MAPK14: variants seen among roughly 807,000 people sequenced by gnomAD.
MAPK14 encodes mitogen-activated protein kinase 14, also known as CSAID-binding protein.
A neutral mutation model predicts 49.6 loss-of-function variants in MAPK14; 16 were observed. The ratio of observed to expected loss-of-function variants is 0.32; its 90% CI spans 0.22 to 0.49. The LOEUF (loss-of-function observed/expected upper bound fraction) is 0.49. Among genes scored for constraint, MAPK14 ranks in the 20% least tolerant of loss-of-function variants. The pLI is 0.99. For missense variants in MAPK14, 200 were observed against 441.2 expected (o/e 0.45, Z 4.90); for synonymous variants, 142 against 158.0 (o/e 0.90, Z 0.76).
At chr6:36,102,734 G>C in intron 10 of MAPK14, 85 bp downstream of exon 10, 1 of 1,592,778 alleles carries the variant, frequency 6.3e-7, no homozygotes, top group Non-Finnish European at 8.5e-7. Context: ...TTCTCCTTTT[G>C]ACCAAATAAA....
chr6:36,071,201 C>T (rs1023279710), intron 3 of MAPK14, among the ~76,000 whole-genome samples: 1 of 151,822 alleles, frequency 6.6e-6, no homozygotes, highest in Non-Finnish European at 1.5e-5. Flanking sequence ...GGCATGGTGG[C>T]GAGTACCTGT....
intron 9 of MAPK14, among the ~76,000 whole-genome samples, chr6:36,098,260 G>A (rs1399048129): frequency 6.6e-6 from 1 of 152,174 alleles, no homozygotes; most frequent in Non-Finnish European, 1.5e-5. Context: ...GAACCTATTA[G>A]AATGAGCCAT....
At chr6:36,084,957 C>G (rs191833040) in intron 8 of MAPK14, among the ~76,000 whole-genome samples, 130 of 152,276 alleles carry the variant, frequency 8.5e-4, no homozygotes, top group Middle Eastern at 3.4e-3. Flanking sequence ...AAGGGAAGCC[C>G]ATCAGGCTAA....
chr6:36,031,950 A>G (rs1762560252), intron 1 of MAPK14, among the ~76,000 whole-genome samples: 1 of 151,726 alleles, frequency 6.6e-6, no homozygotes, highest in African/African-American at 2.4e-5. Flanking sequence ...TATTTTATTT[A>G]TTTATTTATT....
At chr6:36,088,218 CA>C (rs369774497) in intron 8 of MAPK14, among the ~76,000 whole-genome samples, 74 of 152,094 alleles carry the variant, frequency 4.9e-4, no homozygotes, top group African/African-American at 1.6e-3. Flanking sequence ...TAGACATGGG[CA>C]AAAATTTCAT....
At chr6:36,046,825 T>A (rs1484382458) in intron 1 of MAPK14, among the ~76,000 whole-genome samples, 4 of 152,230 alleles carry the variant, frequency 2.6e-5, no homozygotes, top group Non-Finnish European at 4.4e-5. Context: ...GCAACTCAAG[T>A]GGGCTTCTTA....
At chr6:36,066,917 T>G (rs967838593) in intron 3 of MAPK14, among the ~76,000 whole-genome samples, 2 of 152,166 alleles carry the variant, frequency 1.3e-5, no homozygotes, top group African/African-American at 2.4e-5. Context: ...GAAATAATGC[T>G]GAAAGAAATA....
intron 1 of MAPK14, among the ~76,000 whole-genome samples, chr6:36,046,199 A>G (rs1044193638): frequency 6.6e-6 from 1 of 152,210 alleles, no homozygotes. Flanking sequence ...TCTAATTTTT[A>G]TATTTCTTTC....
intron 3 of MAPK14, among the ~76,000 whole-genome samples, chr6:36,062,465 A>G (rs1431582197): frequency 6.6e-6 from 1 of 152,100 alleles, no homozygotes; most frequent in Non-Finnish European, 1.5e-5. Context: ...AAGTATTCAA[A>G]TTCACATTGA....
At chr6:36,075,247 A>C (rs867974063) in intron 6 of MAPK14, among the ~76,000 whole-genome samples, 5 of 151,370 alleles carry the variant, frequency 3.3e-5, no homozygotes, top group African/African-American at 1.2e-4. Flanking sequence ...AAAAAAAAAA[A>C]AAGTTTATTG....
intron 1 of MAPK14, among the ~76,000 whole-genome samples, chr6:36,034,103 G>A (rs980107949): frequency 6.6e-6 from 1 of 152,152 alleles, no homozygotes; most frequent in Non-Finnish European, 1.5e-5. Context: ...TTGTGAAAAA[G>A]GGGTTGCTGA....
Position 36,075,860 on chromosome 6 carries a change from G to A in MAPK14, c.508G>A (p.Gly170Arg). 1 of 1,613,654 alleles carries A rather than the reference G, an allele frequency of 6.2e-7. No homozygotes were observed. The highest frequency in any genetic ancestry group is 8.5e-7 in the Non-Finnish European group (1 of 1,179,968). ...TTCTGCCCTTTAGATTCTGGATTTT[G>A]GACTGGCTCGGCACACAGATGATGA... ...EDCELKILDF[G>R]LARHTDDEMT... The change falls in exon 7 of 12, where the codon GGA becomes AGA. Residue 170 changes from glycine (G) to arginine (R), a missense_variant. Coordinates refer to ENST00000229794, the MANE Select transcript of MAPK14 (RefSeq NM_139012.3).
At chr6:36,049,455 T>C (rs982622482) in intron 1 of MAPK14, among the ~76,000 whole-genome samples, 1 of 152,214 alleles carries the variant, frequency 6.6e-6, no homozygotes, top group Non-Finnish European at 1.5e-5. Flanking sequence ...TCTCAAACTG[T>C]AATATGTATT....
In MAPK14 at chr6:36,083,135, A is replaced by G. The variant is rs146449472; in HGVS notation, c.682+6527A>G. Among the ~76,000 whole-genome samples the G allele has an allele frequency of 5.9e-5, 9 of 152,344 alleles. No individual in the cohort carries two copies. The East Asian group carries it at 1.7e-3, about 29-fold the overall frequency. ...AACGGTGAGTGAATCCTGCACCGGC[A>G]ACTGAGGTATTCACCTTCTCTCAAT... On this transcript the variant is annotated intron_variant, in intron 8 of 11. Coordinates refer to ENST00000229794, the MANE Select transcript of MAPK14 (RefSeq NM_139012.3).
rs1581789199 is a variant in MAPK14, at chr6:36,072,798, C to T, written c.306-75C>T. ...AACAAAAACCAAAAAAACCAAAAAACTTATAAAAGTCTTCTGAAGATAAGA... is the reference window on the plus strand; with the variant it reads ...AACAAAAACCAAAAAAACCAAAAAATTTATAAAAGTCTTCTGAAGATAAGA... On this transcript the variant is annotated intron_variant, in intron 3 of 11. Transcript: ENST00000229794. 10 of 840,042 alleles carry T rather than the reference C, an allele frequency of 1.2e-5. No individual in the cohort carries two copies. In the East Asian group the frequency reaches 2.5e-4, roughly 21 times the overall value. 52.0% of individuals were successfully genotyped at this position (840,042 alleles called of 1,614,324 possible).
chr6:36,118,953 C>A, the MAPK14 span, among the ~76,000 whole-genome samples: 5 of 152,158 alleles, frequency 3.3e-5, no homozygotes, highest in African/African-American at 1.2e-4. Flanking sequence ...GCTGATCTTA[C>A]CAGGGTCAAA....
chr6:36,064,755 T>G (rs1267941860), intron 3 of MAPK14, among the ~76,000 whole-genome samples: 1 of 152,240 alleles, frequency 6.6e-6, no homozygotes, highest in Non-Finnish European at 1.5e-5. Context: ...TACCTTATGC[T>G]AGGCACAGTA....
chr6:36,118,072 C>G, the MAPK14 span, among the ~76,000 whole-genome samples: 2 of 152,236 alleles, frequency 1.3e-5, no homozygotes, highest in African/African-American at 4.8e-5. Context: ...GCTTCTGATT[C>G]TCTTTGCTGT....
At chr6:36,102,824 A>G (rs1765682291) in intron 10 of MAPK14, 175 bp downstream of exon 10, 1 of 1,081,402 alleles carries the variant, frequency 9.2e-7, no homozygotes, top group African/African-American at 1.6e-5. Flanking sequence ...TTTTAATCAC[A>G]TGAGATGATT....
Sources: allele counts gnomAD v4.1 joint callset (sites outside exome capture counted in the v4.1 genomes callset), GRCh38; gene constraint gnomAD v4.1.1; transcripts MANE v1.5; gene names NCBI Gene and HGNC (gene_info 2026-07-23, HGNC 2026-07-21).